Variants in HCN1 observed in about 807,000 individuals in gnomAD.
HCN1 encodes the protein hyperpolarization activated cyclic nucleotide gated potassium channel 1.
HCN1 carries 13 observed loss-of-function variants against 78.9 expected under a neutral mutation model. The observed-to-expected ratio is 0.16, with a 90% CI of 0.11 to 0.26. The LOEUF (loss-of-function observed/expected upper bound fraction) is 0.26, where lower values mean the gene tolerates loss of function less well. HCN1 is among the 10% of genes least tolerant of loss of function. The pLI is 1.00. For missense variants in HCN1, 810 were observed against 1,154.3 expected, an observed-to-expected ratio of 0.70 and a Z score of 4.32; for synonymous variants, 552 against 455.5, an observed-to-expected ratio of 1.21 and a Z score of -2.70.
At chr5:45,443,857 A>C (rs1175857962) in intron 3 of HCN1, among the ~76,000 whole-genome samples, 2 of 152,142 alleles carry the variant, frequency 1.3e-5, no homozygotes, top group Non-Finnish European at 2.9e-5. Context: ...AAATAGAATC[A>C]ATATTTATAA....
chr5:45,510,191 G>A (rs186250626), intron 2 of HCN1, among the ~76,000 whole-genome samples: 58 of 152,158 alleles, frequency 3.8e-4, no homozygotes, highest in Admixed American at 1.3e-3. Flanking sequence ...ATATATGAAG[G>A]AGTGACTAAC....
In HCN1 at chr5:45,259,611, T is replaced by G. The variant is rs1008033147; in HGVS notation, c.*2310A>C. 6.6e-6 allele frequency: 1 copy of G among 152,352 alleles called. No homozygotes were observed. Among genetic ancestry groups the G allele is most frequent in the African/African-American group, 2.4e-5 (1 of 41,394 alleles). 9.4% of individuals were successfully genotyped at this position (152,352 alleles called of 1,614,324 possible). A position where few individuals can be genotyped will look rare whatever the true frequency, so the allele number is the denominator to read the frequency against. ...TGTACCTTTTTATTAGTTTAATATA[T>G]AAACCTTAGTTTTTTTGTCCATTCT... is the stretch of plus-strand genomic sequence containing the variant. On this transcript the variant is annotated 3_prime_UTR_variant, in exon 8 of 8. Transcript: ENST00000303230.
intron 3 of HCN1, among the ~76,000 whole-genome samples, chr5:45,415,798 C>T (rs1740105657): frequency 6.6e-6 from 1 of 151,988 alleles, no homozygotes. Context: ...ACCAAAGTTT[C>T]CTAAGGGCAT....
chr5:45,260,644 T>A lies in HCN1; in HGVS notation c.*1277A>T, dbSNP rs1413212879. 1 of 152,594 alleles carries A rather than the reference T, an allele frequency of 6.6e-6. No homozygotes were observed. The highest frequency in any genetic ancestry group is 1.9e-4 in the East Asian group (1 of 5,190). The allele number at this position is 152,594 out of a possible 1,614,324, so 9.5% of individuals were successfully genotyped here. ...TTATTTCTTTAAATTAATACCATAGTAAATTACCAGCTACAGTGAAGACAC... is the reference window on the plus strand; with the variant it reads ...TTATTTCTTTAAATTAATACCATAGAAAATTACCAGCTACAGTGAAGACAC... On this transcript the variant is annotated 3_prime_UTR_variant, in exon 8 of 8. Coordinates refer to ENST00000303230, the MANE Select transcript of HCN1 (RefSeq NM_021072.4).
At chr5:45,506,109 C>A (rs1169664420) in intron 2 of HCN1, among the ~76,000 whole-genome samples, 4 of 151,996 alleles carry the variant, frequency 2.6e-5, no homozygotes, top group Non-Finnish European at 4.4e-5. Context: ...AACTGTAATT[C>A]ACAATAAAAA....
intron 2 of HCN1, among the ~76,000 whole-genome samples, chr5:45,635,707 T>C (rs898049228): frequency 2.0e-5 from 3 of 152,098 alleles, no homozygotes; most frequent in African/African-American, 4.8e-5. Flanking sequence ...AAAATCTAAA[T>C]TGCACACATC....
At chr5:45,308,315 T>C (rs6872042) in intron 5 of HCN1, among the ~76,000 whole-genome samples, 2,444 of 152,216 alleles carry the variant, frequency 0.016, 69 homozygotes, top group African/African-American at 0.056. Flanking sequence ...CAGTCTCAGG[T>C]ATTCCTTTAT....
At chr5:45,521,547 A>G (rs1561186842) in intron 2 of HCN1, among the ~76,000 whole-genome samples, 2 of 151,708 alleles carry the variant, frequency 1.3e-5, no homozygotes, top group African/African-American at 4.8e-5. Context: ...CCCTTCTTTC[A>G]TCTGTGTCTT....
intron 3 of HCN1, among the ~76,000 whole-genome samples, chr5:45,430,217 T>C (rs1448761814): frequency 6.6e-6 from 1 of 152,154 alleles, no homozygotes; most frequent in Non-Finnish European, 1.5e-5. Context: ...TGACTAAAAA[T>C]GTGACTTAGC....
intron 3 of HCN1, among the ~76,000 whole-genome samples, chr5:45,435,284 T>A (rs1740540692): frequency 1.3e-5 from 2 of 152,132 alleles, no homozygotes; most frequent in South Asian, 4.1e-4. Context: ...CATGGTATTT[T>A]ATTCTTCTGA....
intron 2 of HCN1, among the ~76,000 whole-genome samples, chr5:45,488,014 C>T (rs1028993410): frequency 3.3e-5 from 5 of 151,976 alleles, no homozygotes; most frequent in African/African-American, 4.8e-5. Flanking sequence ...GAGTATACAA[C>T]GTGTATTAAA....
In HCN1 at chr5:45,362,180, GTGTGTATC is replaced by G. The variant is rs1213972920; in HGVS notation, c.1231-8942_1231-8935del. ...TGTGTGTGTGTGTGTGTGTGTGTGT[GTGTGTATC>G]TATCTATGTGTAGGGAAATGATCTG... On this transcript the variant is annotated intron_variant, in intron 4 of 7. Transcript: ENST00000303230. 3.7e-3 allele frequency among the ~76,000 whole-genome samples: 566 copies of G among 151,298 alleles called. 4 individuals are homozygous for G. The highest frequency in any genetic ancestry group is 0.013 in the African/African-American group (546 of 41,012).
At chr5:45,403,185 C>A (rs899237721) in intron 3 of HCN1, among the ~76,000 whole-genome samples, 20 of 152,006 alleles carry the variant, frequency 1.3e-4, no homozygotes, top group Admixed American at 1.1e-3. Context: ...TTTGCAAGGG[C>A]CAAGTGAACC....
At position 45,521,784 on chromosome 5, in the gene HCN1, G is replaced by A. The variant is rs552551643; in HGVS notation, c.850-59777C>T. ...TAATGTGGTCTAAATATTAAATAAC[G>A]TTATAATATAACTTATTATCAGCAA... is the stretch of plus-strand genomic sequence containing the variant. On this transcript the variant is annotated intron_variant, in intron 2 of 7. Coordinates refer to ENST00000303230, the MANE Select transcript of HCN1 (RefSeq NM_021072.4). 1.2e-3 allele frequency among the ~76,000 whole-genome samples: 189 copies of A among 151,816 alleles called. 1 individual carries two copies. The highest frequency in any genetic ancestry group is 4.4e-3 in the African/African-American group (182 of 41,414).
intron 5 of HCN1, among the ~76,000 whole-genome samples, chr5:45,344,781 C>T (rs1561115689): frequency 6.6e-6 from 1 of 152,178 alleles, no homozygotes; most frequent in Non-Finnish European, 1.5e-5. Flanking sequence ...CTACCAGCTG[C>T]TTTCATGGGT....
intron 1 of HCN1, among the ~76,000 whole-genome samples, chr5:45,646,585 C>T (rs1745554745): frequency 6.6e-6 from 1 of 151,892 alleles, no homozygotes; most frequent in Non-Finnish European, 1.5e-5. Flanking sequence ...ATGCCTATGA[C>T]TACTAAGTAC....
chr5:45,680,322 G>T (rs924178826), intron 1 of HCN1, among the ~76,000 whole-genome samples: 17 of 152,008 alleles, frequency 1.1e-4, no homozygotes, highest in Non-Finnish European at 1.9e-4. Flanking sequence ...GTAAAGAATT[G>T]CTATTTTATA....
intron 1 of HCN1, among the ~76,000 whole-genome samples, chr5:45,689,450 A>G (rs1359297495): frequency 1.3e-5 from 2 of 152,148 alleles, no homozygotes; most frequent in Non-Finnish European, 2.9e-5. Context: ...ATAATTATAA[A>G]TTCTGCTGAA....
chr5:45,604,164 T>C (rs1332233216), intron 2 of HCN1, among the ~76,000 whole-genome samples: 1 of 152,088 alleles, frequency 6.6e-6, no homozygotes, highest in Non-Finnish European at 1.5e-5. Context: ...CAGCTGCCAA[T>C]AATTTTCTAA....
Sources: allele counts gnomAD v4.1 joint callset (sites outside exome capture counted in the v4.1 genomes callset), GRCh38; gene constraint gnomAD v4.1.1; transcripts MANE v1.5; gene names NCBI Gene and HGNC (gene_info 2026-07-23, HGNC 2026-07-21).